The following DDX31 variants were observed in gnomAD, a reference collection of about 807,000 sequenced individuals.
DDX31 encodes the protein ATP-dependent DNA helicase DDX31.
A neutral mutation model predicts 91.3 loss-of-function variants in DDX31; 70 were observed. The ratio of observed to expected loss-of-function variants is 0.77; its 90% CI spans 0.63 to 0.94. The LOEUF (loss-of-function observed/expected upper bound fraction) is 0.94, where lower values mean the gene tolerates loss of function less well. Ranked by LOEUF, DDX31 falls within the 40% of genes least tolerant of loss-of-function variation. The probability of loss-of-function intolerance (pLI) is 0.00; values close to 1 mark genes in which losing one functional copy is unlikely to be tolerated. For missense variants in DDX31, 902 were observed against 925.0 expected, an observed-to-expected ratio of 0.98 and a Z score of 0.32; for synonymous variants, 362 against 350.6, an observed-to-expected ratio of 1.03 and a Z score of -0.36.
intron 1 of DDX31, among the ~76,000 whole-genome samples, chr9:132,666,964 C>T (rs968397001): frequency 1.3e-5 from 2 of 152,030 alleles, no homozygotes; most frequent in South Asian, 2.1e-4. Flanking sequence ...CCACCGGCCT[C>T]GGCCTCCCAA....
At chr9:132,635,357 C>T (rs1222630035) in intron 14 of DDX31, among the ~76,000 whole-genome samples, 1 of 151,000 alleles carries the variant, frequency 6.6e-6, no homozygotes, top group African/African-American at 2.4e-5. Context: ...TTAAGTCTAT[C>T]ATTCCTTCCA....
chr9:132,666,517 A>AT (rs1169506334), intron 1 of DDX31, among the ~76,000 whole-genome samples: 2 of 149,950 alleles, frequency 1.3e-5, no homozygotes, highest in African/African-American at 2.5e-5. Flanking sequence ...TAATATCAGA[A>AT]ATTTTTTTTT....
chr9:132,645,994 C>T lies in DDX31; in HGVS notation c.1281G>A (p.Gln427=). The T allele has an allele frequency of 6.2e-7, 1 of 1,614,114 alleles. No homozygotes were observed. Among genetic ancestry groups the T allele is most frequent in the Admixed American group, 1.7e-5 (1 of 60,026 alleles). The change falls in exon 13 of 20, where the codon CAG becomes CAA. Residue 427 remains glutamine, a synonymous_variant. Coordinates refer to ENST00000372159, the MANE Select transcript of DDX31 (RefSeq NM_022779.9). ...GCGCCCCTGAGCTGCTCAGCAGGGT[C>T]TGTAGGAAGAGGCTGTAGTGGAACT... ...LVEFHYSLFL[Q]TLLSSSGAPA... is the part of the protein sequence containing the mutation.
intron 14 of DDX31, among the ~76,000 whole-genome samples, chr9:132,641,749 A>C (rs1833515851): frequency 6.6e-6 from 1 of 152,218 alleles, no homozygotes; most frequent in African/African-American, 2.4e-5. Flanking sequence ...AATCTCCAAG[A>C]TTCACACATT....
At chr9:132,606,706 G>T (rs751307343) in intron 19 of DDX31, among the ~76,000 whole-genome samples, 3 of 152,170 alleles carry the variant, frequency 2.0e-5, no homozygotes, top group Non-Finnish European at 2.9e-5. Context: ...GAGGCACACA[G>T]ACTGTAAGTG....
intron 1 of DDX31, among the ~76,000 whole-genome samples, chr9:132,666,460 G>A (rs1402197605): frequency 1.3e-5 from 2 of 151,920 alleles, no homozygotes; most frequent in East Asian, 3.9e-4. Flanking sequence ...AATTATGAGT[G>A]GGTTTTTAAA....
intron 19 of DDX31, among the ~76,000 whole-genome samples, chr9:132,604,910 C>G (rs1203748625): frequency 5.3e-5 from 8 of 152,138 alleles, no homozygotes; most frequent in Non-Finnish European, 8.8e-5. Flanking sequence ...GTGGGCTGAT[C>G]CCAGGCCTCC....
intron 6 of DDX31, among the ~76,000 whole-genome samples, chr9:132,652,751 C>T (rs1025648632): frequency 1.3e-5 from 2 of 151,574 alleles, no homozygotes; most frequent in African/African-American, 4.8e-5. Flanking sequence ...ATCAGGGGGG[C>T]CGGTTATTCT....
chr9:132,627,229 A>G (rs952752704), intron 16 of DDX31, among the ~76,000 whole-genome samples: 2 of 152,250 alleles, frequency 1.3e-5, no homozygotes, highest in African/African-American at 2.4e-5. Context: ...AATATGCCAC[A>G]GAACAGTAAG....
intron 6 of DDX31, chr9:132,657,997 T>C (rs1377505903): frequency 6.3e-6 from 2 of 315,072 alleles, no homozygotes; most frequent in African/African-American, 2.1e-5. Context: ...AGTTCAGCCT[T>C]CTTGGTCAAA....
At chr9:132,644,527 G>A (rs941826196) in intron 13 of DDX31, among the ~76,000 whole-genome samples, 1 of 152,108 alleles carries the variant, frequency 6.6e-6, no homozygotes, top group Non-Finnish European at 1.5e-5. Flanking sequence ...GCCCCCAGAG[G>A]GCACAGCTAT....
chr9:132,640,455 A>G (rs1344398435), intron 14 of DDX31, among the ~76,000 whole-genome samples: 1 of 152,132 alleles, frequency 6.6e-6, no homozygotes, highest in East Asian at 1.9e-4. Flanking sequence ...GGTTCCACAA[A>G]GTATTGTTAG....
chr9:132,634,836 G>A (rs1275802987), intron 14 of DDX31, among the ~76,000 whole-genome samples: 5 of 151,992 alleles, frequency 3.3e-5, no homozygotes, highest in African/African-American at 1.2e-4. Context: ...CTCCCAAAGC[G>A]TTGGGATTAC....
At chr9:132,626,529 C>A (rs540938154) in intron 16 of DDX31, among the ~76,000 whole-genome samples, 12 of 152,102 alleles carry the variant, frequency 7.9e-5, no homozygotes, top group African/African-American at 2.7e-4. Context: ...AAGGAAGAAA[C>A]GTGAGCTGCT....
At chr9:132,658,107 A>C in intron 6 of DDX31, 1 of 559,508 alleles carries the variant, frequency 1.8e-6, no homozygotes, top group Non-Finnish European at 3.2e-6. Context: ...AATCACCTTT[A>C]TTGAGTGACC....
At chr9:132,647,919 A>G (rs987674563) in intron 11 of DDX31, among the ~76,000 whole-genome samples, 3 of 152,072 alleles carry the variant, frequency 2.0e-5, no homozygotes, top group Non-Finnish European at 2.9e-5. Flanking sequence ...GAAACCACCA[A>G]GCCAATAGCA....
intron 14 of DDX31, among the ~76,000 whole-genome samples, chr9:132,635,821 G>C (rs898391979): frequency 2.0e-5 from 3 of 151,974 alleles, no homozygotes; most frequent in South Asian, 4.2e-4. Context: ...GTGCATGCCT[G>C]TAGTCCCAGC....
intron 18 of DDX31, among the ~76,000 whole-genome samples, chr9:132,614,847 G>A (rs1221135438): frequency 6.6e-6 from 1 of 152,144 alleles, no homozygotes; most frequent in Non-Finnish European, 1.5e-5. Flanking sequence ...AAACCTCCTT[G>A]TCCTCAAGGC....
chr9:132,657,992 A>G, intron 6 of DDX31: 1 of 305,388 alleles, frequency 3.3e-6, no homozygotes, highest in Non-Finnish European at 6.0e-6. Flanking sequence ...TATGAAGTTC[A>G]GCCTTCTTGG....
Sources: allele counts gnomAD v4.1 joint callset (sites outside exome capture counted in the v4.1 genomes callset), GRCh38; gene constraint gnomAD v4.1.1; transcripts MANE v1.5; gene names NCBI Gene and HGNC (gene_info 2026-07-23, HGNC 2026-07-21).